FBXO40: variants seen among roughly 807,000 people sequenced by gnomAD.
FBXO40 encodes F-box only protein 40.
A neutral mutation model predicts 49.9 loss-of-function variants in FBXO40; 50 were observed. The observed-to-expected ratio is 1.00, with a 90% CI of 0.80 to 1.27. The LOEUF is 1.27. Ranked by LOEUF, FBXO40 falls within the 50% of genes most tolerant of loss-of-function variation. FBXO40 has a pLI of 0.00. For missense variants in FBXO40, 895 were observed against 870.1 expected, an observed-to-expected ratio of 1.03 and a Z score of -0.36; for synonymous variants, 340 against 320.2, an observed-to-expected ratio of 1.06 and a Z score of -0.66.
chr3:121,594,713 C>T (rs1012478362), intron 1 of FBXO40, among the ~76,000 whole-genome samples: 1 of 152,048 alleles, frequency 6.6e-6, no homozygotes, highest in African/African-American at 2.4e-5. Flanking sequence ...TAAGTGTGGC[C>T]CTCTTCTCCC....
At chr3:121,620,434 G>A (rs2049024007) in intron 1 of FBXO40, 112 bp from the exon 2 acceptor site, 1 of 960,746 alleles carries the variant, frequency 1.0e-6, no homozygotes, top group Non-Finnish European at 1.6e-6. Flanking sequence ...GACACCTCCA[G>A]GATGGTGGAA....
intron 1 of FBXO40, among the ~76,000 whole-genome samples, chr3:121,605,031 G>A (rs1432796561): frequency 6.6e-6 from 1 of 151,820 alleles, no homozygotes; most frequent in Non-Finnish European, 1.5e-5. Context: ...GGAGTGTGGT[G>A]GCATGATCTC....
chr3:121,597,283 T>C (rs529235026), intron 1 of FBXO40, among the ~76,000 whole-genome samples: 2 of 152,110 alleles, frequency 1.3e-5, no homozygotes, highest in Non-Finnish European at 2.9e-5. Flanking sequence ...CTTTATGGCA[T>C]CTACAAAGTT....
intron 1 of FBXO40, among the ~76,000 whole-genome samples, chr3:121,607,300 C>CTTTT (rs555162944): frequency 0.015 from 884 of 60,136 alleles, 31 homozygotes; most frequent in African/African-American, 0.033. Context: ...CTCTAAAGCT[C>CTTTT]TTTTTTTTTT....
intron 1 of FBXO40, among the ~76,000 whole-genome samples, chr3:121,603,662 C>G (rs2048912561): frequency 6.6e-6 from 1 of 152,138 alleles, no homozygotes; most frequent in Non-Finnish European, 1.5e-5. Flanking sequence ...GGGTGCCTCA[C>G]TATTCACTGA....
intron 1 of FBXO40, among the ~76,000 whole-genome samples, chr3:121,599,844 T>G (rs1161975444): frequency 6.7e-6 from 1 of 148,442 alleles, no homozygotes; most frequent in African/African-American, 2.5e-5. Context: ...TGCCTCAGCC[T>G]CCCAAGTAGC....
At chr3:121,598,331 T>C (rs1422346282) in intron 1 of FBXO40, among the ~76,000 whole-genome samples, 2 of 152,216 alleles carry the variant, frequency 1.3e-5, no homozygotes, top group Non-Finnish European at 2.9e-5. Flanking sequence ...GTGAAGGGAA[T>C]CCACTGGAAG....
At chr3:121,597,708 C>T (rs1008034445) in intron 1 of FBXO40, among the ~76,000 whole-genome samples, 1 of 136,474 alleles carries the variant, frequency 7.3e-6, no homozygotes, top group Non-Finnish European at 1.5e-5. Context: ...GTTGCCCAGG[C>T]TGGAGTGCAG....
chr3:121,614,269 CA>C (rs35824526), intron 1 of FBXO40, among the ~76,000 whole-genome samples: 3,014 of 77,564 alleles, frequency 0.039, 37 homozygotes, highest in Middle Eastern at 0.15. Context: ...GACTCTAGCT[CA>C]AAAAAAAAAA....
In FBXO40 at chr3:121,602,162, C is replaced by T. The variant is rs147659670; in HGVS notation, c.-31+8660C>T. On this transcript the variant is annotated intron_variant, in intron 1 of 3. Coordinates refer to ENST00000338040, the MANE Select transcript of FBXO40 (RefSeq NM_016298.4). ...GACTCTTTTAGCTCTCTGATCTCTC[C>T]GTCTCTGGTTCTACTTCTTCCTAAT... is the stretch of plus-strand genomic sequence containing the variant. 3.7e-4 allele frequency among the ~76,000 whole-genome samples: 56 copies of T among 152,298 alleles called. No homozygotes were observed. In the East Asian group the frequency reaches 9.8e-3, roughly 27 times the overall value.
At chr3:121,597,658 C>CTTTTT (rs137900064) in intron 1 of FBXO40, among the ~76,000 whole-genome samples, 4 of 127,818 alleles carry the variant, frequency 3.1e-5, no homozygotes, top group Admixed American at 8.9e-5. Context: ...TTATAGGCCC[C>CTTTTT]CTTTTTTTTT....
chr3:121,609,652 C>T (rs1373048066), intron 1 of FBXO40, among the ~76,000 whole-genome samples: 1 of 152,116 alleles, frequency 6.6e-6, no homozygotes, highest in Non-Finnish European at 1.5e-5. Flanking sequence ...AAGTAACACT[C>T]GTTTGTTTTA....
chr3:121,600,651 T>C (rs774815123), intron 1 of FBXO40, among the ~76,000 whole-genome samples: 5 of 152,184 alleles, frequency 3.3e-5, no homozygotes, highest in Non-Finnish European at 5.9e-5. Flanking sequence ...CCATGGGCCT[T>C]TGAGGGCCAA....
Position 121,609,698 on chromosome 3 carries a change from CAATA to C in FBXO40, c.-30-10844_-30-10841del, listed in dbSNP as rs1576452187. Among the ~76,000 whole-genome samples, 6 of 152,328 alleles carry C rather than the reference CAATA, an allele frequency of 3.9e-5. No individual in the cohort carries two copies. The South Asian group carries it at 1.2e-3, about 32-fold the overall frequency. ...AGGTAACCATGCCTTGCAGCCGAAT[CAATA>C]AATTCCTCCCCAGTAAGGGGTAGGG... On this transcript the variant is annotated intron_variant, in intron 1 of 3. Coordinates refer to ENST00000338040, the MANE Select transcript of FBXO40 (RefSeq NM_016298.4).
At chr3:121,614,269 CAAAAA>C (rs35824526) in intron 1 of FBXO40, among the ~76,000 whole-genome samples, 5 of 77,644 alleles carry the variant, frequency 6.4e-5, no homozygotes, top group Middle Eastern at 6.3e-3. Context: ...GACTCTAGCT[CAAAAA>C]AAAAAAAAAA....
intron 1 of FBXO40, among the ~76,000 whole-genome samples, chr3:121,599,468 CA>C (rs35637771): frequency 0.53 from 48,294 of 91,664 alleles, 9,762 homozygotes; most frequent in Admixed American, 0.61. Flanking sequence ...GACTCTGACT[CA>C]AAAAAAAAAA....
intron 1 of FBXO40, among the ~76,000 whole-genome samples, chr3:121,614,110 C>T (rs1256896312): frequency 6.6e-6 from 1 of 151,898 alleles, no homozygotes; most frequent in Non-Finnish European, 1.5e-5. Flanking sequence ...CTATTAAAAA[C>T]ACAAAAATTA....
intron 1 of FBXO40, among the ~76,000 whole-genome samples, chr3:121,612,573 C>T (rs566767381): frequency 6.8e-4 from 104 of 152,178 alleles, no homozygotes; most frequent in African/African-American, 2.4e-3. Context: ...TTTTTCTCTC[C>T]TTCTATCAAA....
chr3:121,612,007 G>A (rs1324451431), intron 1 of FBXO40, among the ~76,000 whole-genome samples: 1 of 152,222 alleles, frequency 6.6e-6, no homozygotes, highest in Non-Finnish European at 1.5e-5. Context: ...CAAAGCAATT[G>A]TTTAAAGTAC....
Sources: allele counts gnomAD v4.1 joint callset (sites outside exome capture counted in the v4.1 genomes callset), GRCh38; gene constraint gnomAD v4.1.1; transcripts MANE v1.5; gene names NCBI Gene and HGNC (gene_info 2026-07-23, HGNC 2026-07-21).